ZNF532: variants seen among roughly 807,000 people sequenced by gnomAD.
ZNF532 encodes the protein zinc finger protein 532.
Under a neutral mutation model 89.3 loss-of-function variants are expected in ZNF532, and 22 were observed. That is an observed-to-expected ratio of 0.25 (90% confidence interval 0.18 to 0.35). The LOEUF (loss-of-function observed/expected upper bound fraction) is 0.35. ZNF532 is among the 10% of genes least tolerant of loss of function. The pLI is 1.00. For missense variants in ZNF532, 1,132 were observed against 1,643.4 expected (o/e 0.69, Z 5.38); for synonymous variants, 606 against 649.6 (o/e 0.93, Z 1.02).
At chr18:58,881,482 C>T (rs1430143013) in intron 2 of ZNF532, among the ~76,000 whole-genome samples, 8 of 152,142 alleles carry the variant, frequency 5.3e-5, no homozygotes, top group South Asian at 2.1e-4. Context: ...GCAAGGGGCA[C>T]GCAAGTTGAG....
intron 7 of ZNF532, among the ~76,000 whole-genome samples, chr18:58,972,322 C>T (rs913667778): frequency 5.3e-5 from 8 of 152,278 alleles, no homozygotes; most frequent in African/African-American, 1.7e-4. Context: ...AAATACACAT[C>T]AGTGTGTATA....
At chr18:58,953,288 A>G in intron 6 of ZNF532, 1 of 395,580 alleles carries the variant, frequency 2.5e-6, no homozygotes, top group Admixed American at 4.2e-5. Context: ...AAATGGTACA[A>G]ATATATAGGC....
rs897712967 is a variant in ZNF532, at chr18:58,865,397, G to C, written c.-128+12G>C. On this transcript the variant is annotated intron_variant, in intron 1 of 9. Transcript: ENST00000591808. ...ATGAAGGCCAAAAGGTAACAATATC[G>C]TTCTAGGAAATGAACATAAATGCAT... The C allele has an allele frequency of 6.6e-6, 1 of 152,480 alleles. No individual in the cohort carries two copies. The highest frequency in any genetic ancestry group is 1.5e-5 in the Non-Finnish European group (1 of 68,036). The allele number at this position is 152,480 out of a possible 1,614,324, so 9.4% of individuals were successfully genotyped here.
intron 7 of ZNF532, among the ~76,000 whole-genome samples, chr18:58,955,758 G>A (rs1158657477): frequency 6.6e-6 from 1 of 152,218 alleles, no homozygotes; most frequent in African/African-American, 2.4e-5. Flanking sequence ...TTTGGCTTTA[G>A]TGGCACATTG....
intron 8 of ZNF532, 92 bp downstream of exon 8, chr18:58,979,259 T>C: frequency 1.2e-6 from 1 of 824,416 alleles, no homozygotes; most frequent in Non-Finnish European, 1.9e-6. Context: ...TGCTGTGTGC[T>C]CCACAGTTCC....
At chr18:58,886,577 G>A (rs1258477466) in intron 2 of ZNF532, among the ~76,000 whole-genome samples, 6 of 152,082 alleles carry the variant, frequency 3.9e-5, no homozygotes, top group African/African-American at 1.4e-4. Context: ...TATGCTATGT[G>A]TATTTTTACC....
chr18:58,907,026 C>G (rs2059972787), intron 2 of ZNF532, among the ~76,000 whole-genome samples: 1 of 152,192 alleles, frequency 6.6e-6, no homozygotes, highest in South Asian at 2.1e-4. Context: ...AGAAAACTCA[C>G]TTGCGAGGTT....
At chr18:58,878,469 CT>C (rs2057623599) in intron 2 of ZNF532, among the ~76,000 whole-genome samples, 1 of 152,214 alleles carries the variant, frequency 6.6e-6, no homozygotes, top group Non-Finnish European at 1.5e-5. Flanking sequence ...AGAGGCCCCC[CT>C]GAAGGACTAC....
At chr18:58,981,181 C>T (rs2067724971) in intron 8 of ZNF532, 5 of 355,962 alleles carry the variant, frequency 1.4e-5, no homozygotes, top group Admixed American at 9.3e-5. Context: ...AAGGAGGGAC[C>T]TTATACTAAT....
At chr18:58,965,813 C>G (rs2065864869) in intron 7 of ZNF532, among the ~76,000 whole-genome samples, 1 of 152,090 alleles carries the variant, frequency 6.6e-6, no homozygotes, top group South Asian at 2.1e-4. Flanking sequence ...TTAGCAGTTG[C>G]CTGGGATGTA....
chr18:58,935,539 C>CT (rs1360605583), intron 4 of ZNF532, among the ~76,000 whole-genome samples: 1 of 121,254 alleles, frequency 8.2e-6, no homozygotes, highest in Admixed American at 8.6e-5. Context: ...TCATTCCTCC[C>CT]TTGTCTCTTC....
At chr18:58,907,031 G>A (rs1037849899) in intron 2 of ZNF532, among the ~76,000 whole-genome samples, 1 of 152,152 alleles carries the variant, frequency 6.6e-6, no homozygotes, top group South Asian at 2.1e-4. Flanking sequence ...ACTCACTTGC[G>A]AGGTTCCTGA....
intron 2 of ZNF532, among the ~76,000 whole-genome samples, chr18:58,868,974 A>G (rs980871049): frequency 2.6e-5 from 4 of 152,220 alleles, no homozygotes; most frequent in African/African-American, 9.7e-5. Flanking sequence ...AAACCTATAC[A>G]GCATCTTACT....
At chr18:58,941,853 CCT>C (rs2063069008) in intron 5 of ZNF532, among the ~76,000 whole-genome samples, 1 of 147,418 alleles carries the variant, frequency 6.8e-6, no homozygotes, top group Non-Finnish European at 1.5e-5. Context: ...CACCTCCCTT[CCT>C]CTTTCTTTCT....
intron 2 of ZNF532, among the ~76,000 whole-genome samples, chr18:58,911,812 C>T (rs1469440356): frequency 6.6e-6 from 1 of 152,204 alleles, no homozygotes; most frequent in African/African-American, 2.4e-5. Flanking sequence ...CCTCAATTTC[C>T]CTGGAGCTTC....
rs536861621 is a variant in ZNF532, at chr18:58,945,556, A to G, written c.2706-2511A>G. ...GTTTTACACTTCCTGTTGTTAAGAC[A>G]GCACGTCCAAACAACAGAATCCCTC... On this transcript the variant is annotated intron_variant, in intron 5 of 9. Transcript: ENST00000591808. 2.8e-4 allele frequency among the ~76,000 whole-genome samples: 42 copies of G among 152,312 alleles called. No homozygotes were observed. The South Asian group carries it at 8.5e-3, about 31-fold the overall frequency.
upstream of ZNF532, chr18:58,863,431 G>GA (rs1283377401): frequency 1.1e-4 from 2 of 18,096 alleles, no homozygotes; most frequent in African/African-American, 4.5e-4. Flanking sequence ...CCCGGTCCCG[G>GA]AGCTCCCTTC....
intron 3 of ZNF532, among the ~76,000 whole-genome samples, chr18:58,925,073 T>A (rs1486432226): frequency 6.6e-6 from 1 of 152,244 alleles, no homozygotes; most frequent in Non-Finnish European, 1.5e-5. Flanking sequence ...AAAGCTATTA[T>A]TAACATTGTG....
At chr18:58,961,029 C>T (rs2065294090) in intron 7 of ZNF532, among the ~76,000 whole-genome samples, 1 of 152,184 alleles carries the variant, frequency 6.6e-6, no homozygotes, top group Non-Finnish European at 1.5e-5. Context: ...GCTGATGTAG[C>T]ATTCATATCA....
Sources: gnomAD v4.1 joint callset for allele counts (sites outside exome capture counted in the v4.1 genomes callset) on GRCh38, gnomAD v4.1.1 for gene constraint, MANE v1.5 for transcripts, NCBI Gene and HGNC (gene_info 2026-07-23, HGNC 2026-07-21) for gene names.